The following ANKS1B variants were observed in gnomAD, a reference collection of about 807,000 sequenced individuals.
The protein encoded by ANKS1B is ankyrin repeat and sterile alpha motif domain-containing protein 1B.
A neutral mutation model predicts 148.3 loss-of-function variants in ANKS1B; 36 were observed. The ratio of observed to expected loss-of-function variants is 0.24; its 90% CI spans 0.19 to 0.32. ANKS1B has a LOEUF of 0.32. Among genes scored for constraint, ANKS1B ranks in the 10% least tolerant of loss-of-function variants. The pLI, the probability that ANKS1B is intolerant of heterozygous loss-of-function variation, is 1.00. For missense variants in ANKS1B, 1,157 were observed against 1,542.6 expected (o/e 0.75, Z 4.19); for synonymous variants, 542 against 560.8 (o/e 0.97, Z 0.47).
intron 14 of ANKS1B, chr12:99,154,881 C>T: frequency 1.3e-6 from 2 of 1,534,954 alleles, no homozygotes; most frequent in South Asian, 2.4e-5. Context: ...CCAGGCTACA[C>T]CTCGCATTTT....
intron 12 of ANKS1B, among the ~76,000 whole-genome samples, chr12:99,293,198 G>T (rs1379475606): frequency 3.3e-5 from 5 of 152,146 alleles, no homozygotes; most frequent in African/African-American, 1.2e-4. Context: ...CATGTCCTTT[G>T]CAGGGACATG....
intron 16 of ANKS1B, among the ~76,000 whole-genome samples, chr12:99,057,175 T>C (rs772072589): frequency 3.9e-5 from 6 of 152,250 alleles, no homozygotes; most frequent in African/African-American, 7.2e-5. Context: ...TGTTGGGTGA[T>C]CTTTGGCAAG....
At chr12:99,701,292 T>C (rs1006644740) in intron 8 of ANKS1B, among the ~76,000 whole-genome samples, 16 of 152,162 alleles carry the variant, frequency 1.1e-4, no homozygotes, top group African/African-American at 3.9e-4. Context: ...TATTATCTCT[T>C]GGAATCCAGG....
At chr12:98,916,286 A>G (rs2099794308) in intron 17 of ANKS1B, among the ~76,000 whole-genome samples, 1 of 152,202 alleles carries the variant, frequency 6.6e-6, no homozygotes, top group Non-Finnish European at 1.5e-5. Flanking sequence ...GGAATATACA[A>G]ATACCTCAGT....
In ANKS1B at chr12:99,499,261, A is replaced by T. The variant is rs907319764; in HGVS notation, c.1438+5215T>A. Among the ~76,000 whole-genome samples, 3 of 152,206 alleles carry T rather than the reference A, an allele frequency of 2.0e-5. No homozygotes were observed. The East Asian group carries it at 5.8e-4, about 29-fold the overall frequency. On this transcript the variant is annotated intron_variant, in intron 10 of 26. Coordinates refer to ENST00000683438, the MANE Select transcript of ANKS1B (RefSeq NM_001352186.2). ...TCTGGACTCCTTTACCTTAGAATTC[A>T]TGATCACAGCCCAAAGACTATCAAT...
intron 25 of ANKS1B, among the ~76,000 whole-genome samples, chr12:98,760,268 T>C (rs1342862938): frequency 7.2e-6 from 1 of 139,650 alleles, no homozygotes; most frequent in Non-Finnish European, 1.6e-5. Flanking sequence ...AGTCTTATTC[T>C]TGCTTTTTTT....
chr12:99,228,257 G>T (rs1408510545), intron 14 of ANKS1B, among the ~76,000 whole-genome samples: 1 of 152,060 alleles, frequency 6.6e-6, no homozygotes, highest in Non-Finnish European at 1.5e-5. Flanking sequence ...CTTTGACAAT[G>T]AAGTTCACGA....
At chr12:99,494,252 C>G (rs977677300) in intron 10 of ANKS1B, among the ~76,000 whole-genome samples, 3 of 151,976 alleles carry the variant, frequency 2.0e-5, no homozygotes, top group Non-Finnish European at 4.4e-5. Flanking sequence ...GGAATAGACA[C>G]CTGACTAAAG....
intron 15 of ANKS1B, among the ~76,000 whole-genome samples, chr12:99,098,089 CT>C (rs1305050756): frequency 6.6e-6 from 1 of 152,172 alleles, no homozygotes; most frequent in Non-Finnish European, 1.5e-5. Context: ...AGACACTGTG[CT>C]TTTATCCTCT....
At chr12:99,002,032 G>A (rs983359159) in intron 17 of ANKS1B, among the ~76,000 whole-genome samples, 12 of 151,916 alleles carry the variant, frequency 7.9e-5, no homozygotes, top group Non-Finnish European at 1.5e-4. Flanking sequence ...CATACATATT[G>A]TCTTTATCCA....
chr12:99,228,910 G>A (rs2086388772), intron 14 of ANKS1B, among the ~76,000 whole-genome samples: 1 of 151,652 alleles, frequency 6.6e-6, no homozygotes, highest in Non-Finnish European at 1.5e-5. Flanking sequence ...ACCTATGAAT[G>A]TATATATATG....
intron 17 of ANKS1B, among the ~76,000 whole-genome samples, chr12:98,850,520 T>C (rs1205264216): frequency 8.1e-6 from 1 of 122,946 alleles, no homozygotes; most frequent in African/African-American, 3.1e-5. Context: ...CAGGCCAGAG[T>C]GCAGTGGCGT....
intron 15 of ANKS1B, among the ~76,000 whole-genome samples, chr12:99,103,777 T>A (rs1195640055): frequency 6.6e-6 from 1 of 152,178 alleles, no homozygotes; most frequent in African/African-American, 2.4e-5. Context: ...AATACCTACC[T>A]ACTACAATTA....
chr12:99,513,302 T>TTGGAA (rs2096785100), intron 9 of ANKS1B, among the ~76,000 whole-genome samples: 1 of 152,094 alleles, frequency 6.6e-6, no homozygotes, highest in African/African-American at 2.4e-5. Flanking sequence ...TTAATATGCA[T>TTGGAA]TGGGAAACCA....
intron 1 of ANKS1B, among the ~76,000 whole-genome samples, chr12:99,891,926 G>A (rs921895542): frequency 2.0e-5 from 3 of 152,170 alleles, no homozygotes; most frequent in African/African-American, 7.2e-5. Context: ...GCCATATGTT[G>A]ACAACTGATA....
rs11109611 is a variant in ANKS1B at position 98,801,411 on chromosome 12, C to G, written c.3142-286G>C. ...CATGAAGATATTCATAAATGATTTA[C>G]TAATCACAATTTTCCATCACAACAG... On this transcript the variant is annotated intron_variant, in intron 20 of 26. Coordinates refer to ENST00000683438, the MANE Select transcript of ANKS1B (RefSeq NM_001352186.2). The surrounding 1 kb of genome is among the most constrained non-coding windows in gnomAD (Gnocchi z 5.2). 7.3e-3 allele frequency among the ~76,000 whole-genome samples: 1,114 copies of G among 152,224 alleles called. 17 individuals carry two copies. Among genetic ancestry groups the G allele is most frequent in the African/African-American group, 0.025 (1,057 of 41,528 alleles).
chr12:99,715,551 A>T (rs2057201898), intron 8 of ANKS1B, among the ~76,000 whole-genome samples: 2 of 152,120 alleles, frequency 1.3e-5, no homozygotes, highest in Non-Finnish European at 1.5e-5. Context: ...TTGCTCACAC[A>T]AAGCCAGTTT....
intron 12 of ANKS1B, among the ~76,000 whole-genome samples, chr12:99,259,691 T>G (rs781758440): frequency 6.6e-6 from 1 of 152,218 alleles, no homozygotes; most frequent in Non-Finnish European, 1.5e-5. Flanking sequence ...GTAGAGTGCC[T>G]GATCTGTCTT....
intron 6 of ANKS1B, among the ~76,000 whole-genome samples, chr12:99,776,005 T>G (rs944711707): frequency 6.6e-6 from 1 of 152,188 alleles, no homozygotes; most frequent in African/African-American, 2.4e-5. Flanking sequence ...TCTGAAGATT[T>G]TAAACTGTCT....
Sources: gnomAD v4.1 joint callset for allele counts (sites outside exome capture counted in the v4.1 genomes callset) on GRCh38, gnomAD v4.1.1 for gene constraint, Gnocchi (gnomAD v3.1) non-coding constraint, MANE v1.5 for transcripts, NCBI Gene and HGNC (gene_info 2026-07-23, HGNC 2026-07-21) for gene names.